Variants in TBC1D2 observed in about 807,000 individuals in gnomAD.
TBC1D2 encodes TBC1 domain family member 2A.
Under a neutral mutation model 91.1 loss-of-function variants are expected in TBC1D2, and 58 were observed. That is an observed-to-expected ratio of 0.64 (90% CI 0.52 to 0.79). TBC1D2 has a LOEUF of 0.79. TBC1D2 is among the 30% of genes least tolerant of loss of function. TBC1D2 has a pLI of 0.00. For missense variants in TBC1D2, 1,080 were observed against 1,208.3 expected, an observed-to-expected ratio of 0.89 and a Z score of 1.57; for synonymous variants, 482 against 511.5, an observed-to-expected ratio of 0.94 and a Z score of 0.78.
intron 2 of TBC1D2, 58 bp downstream of exon 2, chr9:98,251,727 T>A: frequency 6.7e-7 from 1 of 1,495,352 alleles, no homozygotes; most frequent in Non-Finnish European, 8.9e-7. Flanking sequence ...AGCAGGAGGG[T>A]AAAGGCTTAA....
At position 98,203,335 on chromosome 9, in the gene TBC1D2, T is replaced by C; in HGVS notation, c.2224A>G (p.Thr742Ala). The C allele has an allele frequency of 6.2e-7, 1 of 1,614,142 alleles. No individual in the cohort carries two copies. The highest frequency in any genetic ancestry group is 8.5e-7 in the Non-Finnish European group (1 of 1,180,024). ...AFWCLVAIVETIMPADYYCNT... is the reference protein window; with the variant it reads ...AFWCLVAIVEAIMPADYYCNT... ...CAGTAGTAATCAGCGGGCATGATGGTCTCCACAATGGCCACCAGGCACCAG... is the reference window on the plus strand; with the variant it reads ...CAGTAGTAATCAGCGGGCATGATGGCCTCCACAATGGCCACCAGGCACCAG... The change falls in exon 10 of 13, where the codon ACC becomes GCC. Residue 742 changes from threonine (T) to alanine (A), a missense_variant. By Grantham distance (58) the Thr-to-Ala change is moderately conservative. Coordinates refer to ENST00000465784, the MANE Select transcript of TBC1D2 (RefSeq NM_001267571.2).
chr9:98,251,830 C>G lies in TBC1D2; in HGVS notation c.466G>C (p.Asp156His), dbSNP rs752604138. The change falls in exon 2 of 13, where the codon GAT becomes CAT. Residue 156 changes from aspartate to histidine, a missense_variant. By Grantham distance (81) the Asp-to-His change is moderately conservative (BLOSUM62 -1). Transcript: ENST00000465784. ...NSPPAPPATPDAALAGNGPVL... is the reference protein window; with the variant it reads ...NSPPAPPATPHAALAGNGPVL... ...GGCCCATTCCCAGCCAGGGCGGCAT[C>G]AGGGGTGGCAGGAGGTGCCGGCGGG... The G allele has an allele frequency of 6.9e-6, 11 of 1,603,916 alleles. No homozygotes were observed. Among genetic ancestry groups the G allele is most frequent in the Non-Finnish European group, 9.4e-6 (11 of 1,176,002 alleles).
chr9:98,245,515 G>C (rs796711108), intron 2 of TBC1D2, among the ~76,000 whole-genome samples: 11 of 151,878 alleles, frequency 7.2e-5, no homozygotes, highest in African/African-American at 2.7e-4. Context: ...TGCAGTGAGC[G>C]GAGATGGTGC....
chr9:98,206,905 T>C (rs1020301417), intron 9 of TBC1D2, among the ~76,000 whole-genome samples: 1 of 152,266 alleles, frequency 6.6e-6, no homozygotes, highest in African/African-American at 2.4e-5. Flanking sequence ...TTATTCATTC[T>C]GATCTCATAG....
At chr9:98,203,238 C>G (rs755850593) in intron 10 of TBC1D2, 50 bp downstream of exon 10, 4 of 1,608,668 alleles carry the variant, frequency 2.5e-6, no homozygotes, top group South Asian at 2.2e-5. Flanking sequence ...AGGAACAGCT[C>G]TGGGGCACTG....
At position 98,221,061 on chromosome 9, in the gene TBC1D2, C is replaced by T. The variant is rs950872635; in HGVS notation, c.1146G>A (p.Glu382=). ...LGRRVEALEQ[E]RESLAHTASL... ...TCGCTGTGTGCGCCAGGCTCTCCCG[C>T]TCCTGCTCCAGGGCCTCCACCCGCC... The change falls in exon 6 of 13, where the codon GAG becomes GAA. Residue 382 remains glutamate, a synonymous_variant. Transcript: ENST00000465784. 1.9e-6 allele frequency: 3 copies of T among 1,611,248 alleles called. No individual in the cohort carries two copies. The highest frequency in any genetic ancestry group is 2.7e-5 in the African/African-American group (2 of 74,920).
chr9:98,221,318 A>T (rs1829097601), intron 5 of TBC1D2, 90 bp from the exon 6 acceptor site: 2 of 1,422,814 alleles, frequency 1.4e-6, no homozygotes, highest in African/African-American at 1.4e-5. Context: ...TTCTCCTAAC[A>T]ACCGTGAGAG....
intron 5 of TBC1D2, among the ~76,000 whole-genome samples, chr9:98,221,538 G>A (rs990005892): frequency 6.6e-6 from 1 of 152,162 alleles, no homozygotes; most frequent in African/African-American, 2.4e-5. Context: ...AAAACCACTA[G>A]ATACACGCTC....
rs150005463 is a variant in TBC1D2 at position 98,251,817 on chromosome 9, G to C, written c.479C>G (p.Ala160Gly). The C allele has an allele frequency of 1.1e-5, 18 of 1,603,148 alleles. No individual in the cohort carries two copies. The highest frequency in any genetic ancestry group is 1.5e-5 in the Non-Finnish European group (18 of 1,175,584). Residue 160 changes from alanine to glycine, a missense_variant, in exon 2 of 13, where the codon GCT (alanine) becomes GGT (glycine). Physicochemically the swap from Ala to Gly is moderately conservative, Grantham distance 60. Coordinates refer to ENST00000465784, the MANE Select transcript of TBC1D2 (RefSeq NM_001267571.2). ...GAGGTGCAGGACGGGCCCATTCCCA[G>C]CCAGGGCGGCATCAGGGGTGGCAGG... is the stretch of plus-strand genomic sequence containing the variant. ...APPATPDAAL[A>G]GNGPVLHLEL... is the part of the protein sequence containing the mutation.
At chr9:98,225,230 C>A (rs984375740) in intron 5 of TBC1D2, among the ~76,000 whole-genome samples, 1 of 152,220 alleles carries the variant, frequency 6.6e-6, no homozygotes, top group Non-Finnish European at 1.5e-5. Flanking sequence ...GAGCAGACGG[C>A]CTTCAGGCTG....
chr9:98,247,698 C>T (rs1215801830), intron 2 of TBC1D2, among the ~76,000 whole-genome samples: 3 of 137,194 alleles, frequency 2.2e-5, no homozygotes, highest in Non-Finnish European at 3.0e-5. Flanking sequence ...CACTGTACTC[C>T]AGCCTGGGTG....
intron 4 of TBC1D2, among the ~76,000 whole-genome samples, chr9:98,230,097 C>T (rs1829330353): frequency 6.6e-6 from 1 of 152,324 alleles, no homozygotes; most frequent in African/African-American, 2.4e-5. Context: ...CAGCCTGCAT[C>T]AAGGGACATT....
intron 11 of TBC1D2, among the ~76,000 whole-genome samples, 152 bp from the exon 12 acceptor site, chr9:98,200,526 C>T (rs1828464961): frequency 1.4e-5 from 1 of 70,122 alleles, no homozygotes; most frequent in Admixed American, 2.0e-4. Context: ...GGATAGGCTC[C>T]AGGGGGCTGG....
At position 98,200,252 on chromosome 9, in the gene TBC1D2, C is replaced by A; in HGVS notation, c.2579+1G>T. ...AGTGGCAGGGGGTGGGGGTTCCTCA[C>A]CGGCTGTTGGAGATGGTCTTGGTGA... On this transcript the variant is annotated splice_donor_variant, in intron 12 of 12. Transcript: ENST00000465784. LOFTEE classifies it high-confidence loss of function. The A allele has an allele frequency of 6.2e-7, 1 of 1,613,512 alleles. No individual in the cohort carries two copies. Among genetic ancestry groups the A allele is most frequent in the East Asian group, 2.2e-5 (1 of 44,840 alleles).
chr9:98,208,951 G>T lies in TBC1D2; in HGVS notation c.1867C>A (p.Arg623=). Residue 623 remains arginine, a synonymous_variant, in exon 9 of 13, where the codon CGG becomes AGG. Transcript: ENST00000465784. ...VPSAELKQLL[R]AGVPREHRPR... is the part of the protein sequence containing the mutation. ...CGGTGTTCACGGGGTACTCCTGCCC[G>T]CAGTAGCTGCTTGAGCTCGGCTGAG... is the stretch of plus-strand genomic sequence containing the variant. 6.2e-7 allele frequency: 1 copy of T among 1,614,098 alleles called. No homozygotes were observed. Among genetic ancestry groups the T allele is most frequent in the Non-Finnish European group, 8.5e-7 (1 of 1,180,002 alleles).
At chr9:98,242,803 CTTTTTT>C (rs36035887) in intron 3 of TBC1D2, among the ~76,000 whole-genome samples, 13,603 of 82,732 alleles carry the variant, frequency 0.16, 737 homozygotes, top group Admixed American at 0.19. Flanking sequence ...ACACTGCTGC[CTTTTTT>C]TTTTTTTTTT....
chr9:98,238,461 T>A (rs1429571182), intron 3 of TBC1D2, among the ~76,000 whole-genome samples: 1 of 137,166 alleles, frequency 7.3e-6, no homozygotes, highest in Non-Finnish European at 1.5e-5. Flanking sequence ...CTTGCTGAAC[T>A]AATTTCTTAG....
chr9:98,230,931 G>A (rs1349812409), intron 4 of TBC1D2, among the ~76,000 whole-genome samples: 1 of 152,166 alleles, frequency 6.6e-6, no homozygotes, highest in Non-Finnish European at 1.5e-5. Context: ...AACCAGAACA[G>A]TCTTGTTCCA....
chr9:98,246,416 C>A (rs1238179409), intron 2 of TBC1D2, among the ~76,000 whole-genome samples: 1 of 152,212 alleles, frequency 6.6e-6, no homozygotes, highest in East Asian at 1.9e-4. Flanking sequence ...TCCTAACAGG[C>A]TCCATCAGAT....
Sources: allele counts gnomAD v4.1 joint callset (sites outside exome capture counted in the v4.1 genomes callset), GRCh38; gene constraint gnomAD v4.1.1; transcripts MANE v1.5; gene names NCBI Gene and HGNC (gene_info 2026-07-23, HGNC 2026-07-21).